Variants in MLF1 observed in about 807,000 individuals in gnomAD.
MLF1 encodes myeloid leukemia factor 1.
In MLF1, 37 loss-of-function variants were observed where a neutral mutation model predicts 38.3. That is an observed-to-expected ratio of 0.96 (90% CI 0.74 to 1.27). The LOEUF (loss-of-function observed/expected upper bound fraction) is 1.27, where lower values mean the gene tolerates loss of function less well. Among genes scored for constraint, MLF1 ranks in the 50% most tolerant of loss-of-function variants. The pLI is 0.00. For missense variants in MLF1, 331 were observed against 349.2 expected (o/e 0.95, Z 0.42); for synonymous variants, 95 against 106.5 (o/e 0.89, Z 0.66).
intron 1 of MLF1, among the ~76,000 whole-genome samples, chr3:158,574,523 A>AAAAAAAACAAAAAAC (rs1553830589): frequency 8.6e-6 from 1 of 115,698 alleles, no homozygotes; most frequent in Non-Finnish European, 2.0e-5. Flanking sequence ...AAAAAAAAAA[A>AAAAAAAACAAAAAAC]AAAATACAAA....
chr3:158,600,469 C>A (rs1719586369), intron 6 of MLF1, among the ~76,000 whole-genome samples: 1 of 151,322 alleles, frequency 6.6e-6, no homozygotes, highest in Admixed American at 6.6e-5. Flanking sequence ...AATATTTTTT[C>A]TGATTATCAA....
chr3:158,588,015 T>A (rs548760361), intron 1 of MLF1, among the ~76,000 whole-genome samples: 21 of 151,920 alleles, frequency 1.4e-4, no homozygotes, highest in Non-Finnish European at 2.4e-4. Flanking sequence ...ATAAATAAAT[T>A]AATTAAATTA....
At chr3:158,598,944 C>G (rs1379857085) in intron 5 of MLF1, among the ~76,000 whole-genome samples, 1 of 152,180 alleles carries the variant, frequency 6.6e-6, no homozygotes, top group African/African-American at 2.4e-5. Flanking sequence ...TCCTCTGCAA[C>G]TTGTCTTTGC....
intron 1 of MLF1, among the ~76,000 whole-genome samples, chr3:158,585,946 G>A (rs1045427663): frequency 2.6e-4 from 40 of 152,302 alleles, no homozygotes; most frequent in African/African-American, 8.9e-4. Context: ...TGGATTGCCT[G>A]AGGTCAGGAG....
chr3:158,599,223 A>G (rs1320686766), intron 5 of MLF1, among the ~76,000 whole-genome samples: 2 of 152,118 alleles, frequency 1.3e-5, no homozygotes, highest in Non-Finnish European at 1.5e-5. Context: ...CCTTATACAG[A>G]GTCTAGGAGT....
At chr3:158,584,093 A>C (rs555830836) in intron 1 of MLF1, among the ~76,000 whole-genome samples, 1 of 152,360 alleles carries the variant, frequency 6.6e-6, no homozygotes, top group East Asian at 1.9e-4. Context: ...TAGAGTGACT[A>C]AAACTGTTCG....
At chr3:158,576,884 A>T (rs1715535325) in intron 1 of MLF1, among the ~76,000 whole-genome samples, 1 of 151,858 alleles carries the variant, frequency 6.6e-6, no homozygotes, top group Non-Finnish European at 1.5e-5. Context: ...ATGTTGGCCA[A>T]ACTGGTCTCG....
intron 4 of MLF1, among the ~76,000 whole-genome samples, chr3:158,597,412 C>T (rs535988595): frequency 1.7e-3 from 260 of 152,118 alleles, no homozygotes; most frequent in Middle Eastern, 3.4e-3. Context: ...GTTTTATAAA[C>T]GACTCTGAAA....
At chr3:158,578,163 T>C (rs1715751153) in intron 1 of MLF1, among the ~76,000 whole-genome samples, 1 of 152,126 alleles carries the variant, frequency 6.6e-6, no homozygotes, top group Non-Finnish European at 1.5e-5. Flanking sequence ...TCATTGAAAC[T>C]AGGGAACATT....
intron 1 of MLF1, among the ~76,000 whole-genome samples, chr3:158,583,930 A>C (rs1048793332): frequency 6.6e-6 from 1 of 152,158 alleles, no homozygotes; most frequent in Non-Finnish European, 1.5e-5. Context: ...AACTGGACCA[A>C]CTCTCTTGCA....
intron 1 of MLF1, among the ~76,000 whole-genome samples, chr3:158,585,222 G>C (rs1023760942): frequency 6.6e-6 from 1 of 152,034 alleles, no homozygotes; most frequent in African/African-American, 2.4e-5. Context: ...GGAGGTTAGG[G>C]TGAGGTGGTA....
At chr3:158,584,451 C>A (rs990628571) in intron 1 of MLF1, among the ~76,000 whole-genome samples, 2 of 152,046 alleles carry the variant, frequency 1.3e-5, no homozygotes, top group Non-Finnish European at 2.9e-5. Context: ...AACATAATAT[C>A]CACAATGTAC....
chr3:158,597,869 C>T lies in MLF1; in HGVS notation c.325-211C>T, dbSNP rs150470262. Among the ~76,000 whole-genome samples, 761 of 152,150 alleles carry T rather than the reference C, an allele frequency of 5.0e-3. 11 individuals are homozygous for T. The highest frequency in any genetic ancestry group is 0.018 in the African/African-American group (733 of 41,524). ...GATAATTGTACCTAAAATGGACGAC[C>T]GTTAGGACCCTCTAGGGGTGACTTT... is the stretch of plus-strand genomic sequence containing the variant. On this transcript the variant is annotated intron_variant, in intron 4 of 7. Transcript: ENST00000466246.
chr3:158,598,163 A>G lies in MLF1; in HGVS notation c.408A>G (p.Pro136=), dbSNP rs770589727. Residue 136 remains proline (P), a synonymous_variant, in exon 5 of 8, where the codon CCA becomes CCG. Coordinates refer to ENST00000466246, the MANE Select transcript of MLF1 (RefSeq NM_001369783.1). ...ATTCCAAAATAGGAGATGAACCGCCAAAGGTTTTTCAGGCCTCAACTCAAA... is the reference window on the plus strand; with the variant it reads ...ATTCCAAAATAGGAGATGAACCGCCGAAGGTTTTTCAGGCCTCAACTCAAA... ...MTYSKIGDEP[P]KVFQASTQTR... 6.8e-6 allele frequency: 11 copies of G among 1,613,936 alleles called. No individual in the cohort carries two copies. The South Asian group carries it at 1.2e-4, about 18-fold the overall frequency.
intron 1 of MLF1, among the ~76,000 whole-genome samples, chr3:158,576,530 G>A (rs903677950): frequency 2.6e-5 from 4 of 152,074 alleles, no homozygotes; most frequent in Non-Finnish European, 4.4e-5. Context: ...TATTTGATAC[G>A]AAACAGGAAC....
At chr3:158,579,470 A>G (rs1715999886) in intron 1 of MLF1, among the ~76,000 whole-genome samples, 1 of 152,190 alleles carries the variant, frequency 6.6e-6, no homozygotes, top group South Asian at 2.1e-4. Context: ...TGTTTAGTGC[A>G]TCTTCCAACA....
chr3:158,594,907 T>C (rs969991874), intron 3 of MLF1, among the ~76,000 whole-genome samples: 3 of 152,158 alleles, frequency 2.0e-5, no homozygotes, highest in Admixed American at 6.6e-5. Context: ...CTGTGAGTTT[T>C]CCAGGTAGAT....
At chr3:158,598,640 C>T (rs1425619052) in intron 5 of MLF1, among the ~76,000 whole-genome samples, 1 of 152,088 alleles carries the variant, frequency 6.6e-6, no homozygotes, top group Non-Finnish European at 1.5e-5. Flanking sequence ...TGCCCATATT[C>T]CTGCCACCCA....
chr3:158,583,032 A>G, intron 1 of MLF1: 1 of 549,656 alleles, frequency 1.8e-6, no homozygotes, highest in South Asian at 2.5e-5. Flanking sequence ...TTGAATGCCA[A>G]TCTACCTCTT....
Sources: allele counts gnomAD v4.1 joint callset (sites outside exome capture counted in the v4.1 genomes callset), GRCh38; gene constraint gnomAD v4.1.1; transcripts MANE v1.5; gene names NCBI Gene and HGNC (gene_info 2026-07-23, HGNC 2026-07-21).